Variants in NOD1 observed in about 807,000 individuals in gnomAD.
NOD1 encodes nucleotide binding oligomerization domain containing 1.
NOD1 carries 70 observed loss-of-function variants against 81.2 expected under a neutral mutation model. The ratio of observed to expected loss-of-function variants is 0.86; its 90% CI spans 0.71 to 1.05. The LOEUF (loss-of-function observed/expected upper bound fraction) is 1.05. Ranked by LOEUF, NOD1 falls within the 50% of genes least tolerant of loss-of-function variation. The pLI is 0.00. For missense variants in NOD1, 1,233 were observed against 1,228.0 expected, an observed-to-expected ratio of 1.00 and a Z score of -0.06; for synonymous variants, 508 against 526.9, an observed-to-expected ratio of 0.96 and a Z score of 0.49.
chr7:30,436,037 G>A lies in NOD1; in HGVS notation c.2582C>T (p.Ala861Val), dbSNP rs765939311. ...AGACGTGTTCTGCTGCAGGGCCCTC[G>A]CAAGGCTCTTTCCTCCTTCTGTGGA... The part of the protein sequence containing the change: ...GISTEGGKSL[A>V]RALQQNTSLE... The change falls in exon 11 of 14, where the codon GCG (alanine) becomes GTG (valine). Residue 861 changes from alanine to valine, a missense_variant. Coordinates refer to ENST00000222823, the MANE Select transcript of NOD1 (RefSeq NM_006092.4). 5.0e-6 allele frequency: 8 copies of A among 1,613,964 alleles called. No individual in the cohort carries two copies. Among genetic ancestry groups the A allele is most frequent in the African/African-American group, 1.3e-5 (1 of 74,920 alleles).
At chr7:30,461,127 A>C (rs1185404206) in intron 1 of NOD1, among the ~76,000 whole-genome samples, 1 of 152,254 alleles carries the variant, frequency 6.6e-6, no homozygotes, top group Non-Finnish European at 1.5e-5. Context: ...GATATATTTT[A>C]ATTCTAATAC....
chr7:30,433,976 A>G (rs920572690), intron 11 of NOD1, among the ~76,000 whole-genome samples: 1 of 152,256 alleles, frequency 6.6e-6, no homozygotes, highest in Admixed American at 6.5e-5. Flanking sequence ...ATCCTAATGT[A>G]AAATCTGAAC....
chr7:30,473,638 G>A (rs962282548), intron 1 of NOD1, among the ~76,000 whole-genome samples: 5 of 152,164 alleles, frequency 3.3e-5, no homozygotes, highest in Non-Finnish European at 7.3e-5. Context: ...CAGGAGGAGT[G>A]AGCTGCCACT....
rs536350793 is a variant in NOD1, at chr7:30,460,382, C to T, written c.-351-341G>A. 7.7e-5 allele frequency: 76 copies of T among 985,342 alleles called. 1 individual carries two copies. Among genetic ancestry groups the T allele is most frequent in the South Asian group, 3.8e-4 (8 of 21,286 alleles). 61.0% of individuals were successfully genotyped at this position (985,342 alleles called of 1,614,324 possible). A position where few individuals can be genotyped will look rare whatever the true frequency, so the allele number is the denominator to read the frequency against. ...AAAGGGTGGGTCCAGTTGATGAAGA[C>T]GGTCTGGTCCTCTCTTCCAGGCAAA... On this transcript the variant is annotated intron_variant, in intron 1 of 13. Transcript: ENST00000222823.
Position 30,451,167 on chromosome 7 carries a change from G to A in NOD1, c.2201+49C>T. 6.3e-7 allele frequency: 1 copy of A among 1,581,800 alleles called. No homozygotes were observed. The highest frequency in any genetic ancestry group is 8.6e-7 in the Non-Finnish European group (1 of 1,163,892). On this transcript the variant is annotated intron_variant, in intron 6 of 13. Transcript: ENST00000222823. This position sits in a 1 kb window ranked among gnomAD's most constrained non-coding sequence, Gnocchi z 4.2. ...TGATGCCATTCCCGATGCCCTCCGA[G>A]CCTGGCCCGCCCGGCCCACCTGTTG...
rs1785896313 is a variant in NOD1, at chr7:30,452,627, C to A, written c.790G>T (p.Asp264Tyr). 3.1e-6 allele frequency: 5 copies of A among 1,613,758 alleles called. No homozygotes were observed. The East Asian group carries it at 1.1e-4, about 36-fold the overall frequency. The change falls in exon 6 of 14, where the codon GAC becomes TAC. Residue 264 changes from aspartate (D) to tyrosine (Y), a missense_variant. Coordinates refer to ENST00000222823, the MANE Select transcript of NOD1 (RefSeq NM_006092.4). ...AGGAAGGCAAACACCTCCTCGGGGT[C>A]CCGCTCTGGGTAGCAGTAGTGCTTG... ...LFKHYCYPER[D>Y]PEEVFAFLLR...
At chr7:30,473,079 A>G (rs2709802) in intron 1 of NOD1, among the ~76,000 whole-genome samples, 78,811 of 152,120 alleles carry the variant, frequency 0.52, 21,573 homozygotes, top group African/African-American at 0.69. Flanking sequence ...ACACCAGGGT[A>G]GGGGGCCAGC....
chr7:30,454,530 T>G (rs1786139985), intron 5 of NOD1, among the ~76,000 whole-genome samples: 1 of 152,212 alleles, frequency 6.6e-6, no homozygotes, highest in Admixed American at 6.5e-5. Context: ...ATTGAACTAA[T>G]CAGTTAACTG....
At chr7:30,433,229 A>T (rs1395862543) in intron 11 of NOD1, 50 bp from the exon 12 acceptor site, 10 of 1,449,682 alleles carry the variant, frequency 6.9e-6, no homozygotes, top group Non-Finnish European at 8.7e-6. Context: ...CTTGGCAGAC[A>T]TTGTTTTAGA....
At chr7:30,472,738 G>A (rs1788399227) in intron 1 of NOD1, among the ~76,000 whole-genome samples, 1 of 152,214 alleles carries the variant, frequency 6.6e-6, no homozygotes, top group Non-Finnish European at 1.5e-5. Context: ...CAGGAAGAGG[G>A]TCCTCACCAA....
At chr7:30,446,865 G>A (rs1785148295) in intron 8 of NOD1, 102 bp downstream of exon 8, 4 of 930,740 alleles carry the variant, frequency 4.3e-6, no homozygotes, top group Non-Finnish European at 6.6e-6. Context: ...ACAAGTGGAA[G>A]GCTTTAGGAT....
intron 1 of NOD1, among the ~76,000 whole-genome samples, chr7:30,465,321 G>A (rs757310934): frequency 6.6e-6 from 1 of 152,144 alleles, no homozygotes; most frequent in Non-Finnish European, 1.5e-5. Flanking sequence ...GAGGCCACCA[G>A]CCACGGCTTC....
At chr7:30,425,809 C>A in intron 13 of NOD1, 99 bp from the exon 14 acceptor site, 1 of 815,362 alleles carries the variant, frequency 1.2e-6, no homozygotes, top group South Asian at 1.3e-5. Context: ...TCGTGTATCA[C>A]ACAATACACA....
At chr7:30,457,142 A>G (rs1786466506) in intron 3 of NOD1, 100 bp from the exon 4 acceptor site, 1 of 556,772 alleles carries the variant, frequency 1.8e-6, no homozygotes, top group Non-Finnish European at 3.2e-6. Context: ...AGCAGGAAGG[A>G]ACCATGCTTA....
rs757539137 is a variant in NOD1 at position 30,451,821 on chromosome 7, G to A, written c.1596C>T (p.Asp532=). Residue 532 remains aspartate, a synonymous_variant, in exon 6 of 14, where the codon GAC becomes GAT. Transcript: ENST00000222823. The surrounding 1 kb of genome is among the most constrained non-coding windows in gnomAD (Gnocchi z 4.2). ...AFFTAFFLVL[D]DRVGTQELLR... ...GCAGCTCCTGAGTGCCCACCCTGTC[G>A]TCCAGCACGAGGAAGAAGGCTGTAA... is the stretch of plus-strand genomic sequence containing the variant. 74 of 1,613,686 alleles carry A rather than the reference G, an allele frequency of 4.6e-5. No homozygotes were observed. In the East Asian group the frequency reaches 5.4e-4, roughly 12 times the overall value.
rs908891980 is a variant in NOD1 at position 30,436,002 on chromosome 7, G to A, written c.2617C>T (p.Leu873=). The part of the protein sequence containing the change: ...ALQQNTSLEI[L]WLTQNELNDE... ...TGAAATGACTCGAGCTATTACCACAGTATTTCTAGAGACGTGTTCTGCTGC... is the reference window on the plus strand; with the variant it reads ...TGAAATGACTCGAGCTATTACCACAATATTTCTAGAGACGTGTTCTGCTGC... Residue 873 remains leucine, a synonymous_variant, in exon 11 of 14, where the codon CTG becomes TTG. Transcript: ENST00000222823. 2 of 1,612,398 alleles carry A rather than the reference G, an allele frequency of 1.2e-6. No homozygotes were observed. The highest frequency in any genetic ancestry group is 1.7e-6 in the Non-Finnish European group (2 of 1,178,412).
intron 1 of NOD1, among the ~76,000 whole-genome samples, chr7:30,471,503 T>G (rs1289228181): frequency 6.6e-6 from 1 of 152,254 alleles, no homozygotes; most frequent in Non-Finnish European, 1.5e-5. Context: ...AGGCTTTTCC[T>G]GTGACCTGAA....
At position 30,447,027 on chromosome 7, in the gene NOD1, T is replaced by C. The variant is rs1194273996; in HGVS notation, c.2309A>G (p.Asp770Gly). 1 of 1,614,190 alleles carries C rather than the reference T, an allele frequency of 6.2e-7. No homozygotes were observed. Among genetic ancestry groups the C allele is most frequent in the Non-Finnish European group, 8.5e-7 (1 of 1,179,980 alleles). Residue 770 changes from aspartate to glycine, a missense_variant, in exon 8 of 14, where the codon GAT (aspartate) becomes GGT (glycine). Transcript: ENST00000222823. ...TTTGGTGACGTACCTGGCTCCGACATCGGTGATCTGGTTGTTGTATAAACT... is the reference window on the plus strand; with the variant it reads ...TTTGGTGACGTACCTGGCTCCGACACCGGTGATCTGGTTGTTGTATAAACT... ...YLGLYNNQITDVGARYVTKIL... is the reference protein window; with the variant it reads ...YLGLYNNQITGVGARYVTKIL...
At chr7:30,459,728 T>G (rs1786811394) in intron 2 of NOD1, among the ~76,000 whole-genome samples, 173 bp downstream of exon 2, 1 of 152,196 alleles carries the variant, frequency 6.6e-6, no homozygotes, top group Non-Finnish European at 1.5e-5. Flanking sequence ...CTCTTTAAGA[T>G]CATCACAAGG....
Sources: allele counts gnomAD v4.1 joint callset (sites outside exome capture counted in the v4.1 genomes callset), GRCh38; gene constraint gnomAD v4.1.1; non-coding constraint Gnocchi (gnomAD v3.1); transcripts MANE v1.5; gene names NCBI Gene and HGNC (gene_info 2026-07-23, HGNC 2026-07-21).